SOX6: variants seen among roughly 807,000 people sequenced by gnomAD.
The protein encoded by SOX6 is SRY-box transcription factor 6.
Under a neutral mutation model 97.8 loss-of-function variants are expected in SOX6, and 11 were observed. The observed-to-expected ratio is 0.11, with a 90% CI of 0.07 to 0.19. SOX6 has a LOEUF of 0.19. SOX6 is among the 10% of genes least tolerant of loss of function. SOX6 has a pLI of 1.00. For synonymous variants in SOX6, 360 were observed against 371.4 expected (o/e 0.97, Z 0.35); for missense variants, 810 against 1,039.5 (o/e 0.78, Z 3.04).
intron 9 of SOX6, among the ~76,000 whole-genome samples, chr11:16,064,349 C>A (rs1848039056): frequency 6.6e-6 from 1 of 151,648 alleles, no homozygotes; most frequent in Admixed American, 6.6e-5. Context: ...ACACCAAATT[C>A]TTTTAGGAAT....
At chr11:15,999,087 T>C (rs1035241223) in intron 13 of SOX6, among the ~76,000 whole-genome samples, 1 of 151,982 alleles carries the variant, frequency 6.6e-6, no homozygotes, top group African/African-American at 2.4e-5. Flanking sequence ...AAATGGACAA[T>C]AGACTTAAAT....
chr11:16,417,992 G>A (rs768592386), intron 1 of SOX6, among the ~76,000 whole-genome samples: 8 of 152,138 alleles, frequency 5.3e-5, no homozygotes, highest in Non-Finnish European at 8.8e-5. Context: ...AAAATATGAT[G>A]AAATTATTTA....
At chr11:16,124,832 A>G (rs1590211431) in intron 6 of SOX6, among the ~76,000 whole-genome samples, 1 of 152,082 alleles carries the variant, frequency 6.6e-6, no homozygotes, top group African/African-American at 2.4e-5. Flanking sequence ...AGGAAAACTG[A>G]CTATAATAGG....
intron 4 of SOX6, among the ~76,000 whole-genome samples, chr11:16,497,829 A>G (rs1250455924): frequency 6.6e-6 from 1 of 152,244 alleles, no homozygotes; most frequent in African/African-American, 2.4e-5. Flanking sequence ...AAAAGACCAA[A>G]TCTACGTCTG....
intron 3 of SOX6, among the ~76,000 whole-genome samples, chr11:16,280,877 A>G (rs111309867): frequency 0.018 from 2,679 of 152,262 alleles, 32 homozygotes; most frequent in Non-Finnish European, 0.027. Context: ...ATTTCAATAA[A>G]TTCCTTTGCC....
intron 4 of SOX6, among the ~76,000 whole-genome samples, chr11:16,499,159 C>A (rs1425585650): frequency 6.6e-6 from 1 of 152,198 alleles, no homozygotes; most frequent in Non-Finnish European, 1.5e-5. Flanking sequence ...GAAACTCACT[C>A]AAAACCACTC....
intron 1 of SOX6, among the ~76,000 whole-genome samples, chr11:16,345,867 A>G (rs1276243172): frequency 6.6e-6 from 1 of 152,060 alleles, no homozygotes; most frequent in Non-Finnish European, 1.5e-5. Flanking sequence ...CTTGAAAAGT[A>G]TCCATCTTTC....
intron 4 of SOX6, among the ~76,000 whole-genome samples, chr11:16,494,032 G>T (rs1340918353): frequency 6.6e-6 from 1 of 152,150 alleles, no homozygotes; most frequent in Non-Finnish European, 1.5e-5. Context: ...ATGAAGACAG[G>T]TTAAATATGT....
chr11:16,242,665 T>C (rs1853229734), intron 3 of SOX6, among the ~76,000 whole-genome samples: 1 of 151,626 alleles, frequency 6.6e-6, no homozygotes. Flanking sequence ...ACCTTTCCTC[T>C]GAGATCAGCA....
intron 3 of SOX6, among the ~76,000 whole-genome samples, chr11:16,711,747 G>A (rs1276129976): frequency 6.6e-6 from 1 of 151,758 alleles, no homozygotes; most frequent in Admixed American, 6.6e-5. Flanking sequence ...AGTGATTGGG[G>A]TACAGGTGGT....
chr11:16,001,167 A>C (rs1039166274), intron 13 of SOX6, among the ~76,000 whole-genome samples: 14 of 152,084 alleles, frequency 9.2e-5, no homozygotes, highest in Admixed American at 8.5e-4. Flanking sequence ...TCTCGGCTGG[A>C]AACAAACATT....
upstream of SOX6, among the ~76,000 whole-genome samples, chr11:16,478,581 C>T (rs969990959): frequency 2.6e-5 from 4 of 152,134 alleles, no homozygotes; most frequent in Non-Finnish European, 5.9e-5. Context: ...TGGATTTGCA[C>T]TATTGGTGAA....
intron 4 of SOX6, among the ~76,000 whole-genome samples, chr11:16,518,906 C>T (rs1416704719): frequency 6.6e-6 from 1 of 152,120 alleles, no homozygotes; most frequent in Non-Finnish European, 1.5e-5. Flanking sequence ...ATTTCTCAAA[C>T]TCAATTCATG....
At chr11:16,255,338 C>T (rs949543513) in intron 3 of SOX6, among the ~76,000 whole-genome samples, 2 of 151,910 alleles carry the variant, frequency 1.3e-5, no homozygotes, top group Non-Finnish European at 2.9e-5. Context: ...GGAACAGTCA[C>T]CAAAACAGAC....
chr11:16,333,473 T>C (rs1015817840), intron 2 of SOX6, among the ~76,000 whole-genome samples: 4 of 152,090 alleles, frequency 2.6e-5, no homozygotes, highest in African/African-American at 9.7e-5. Flanking sequence ...CAAGAAAATA[T>C]ATATTAATCA....
chr11:16,604,257 C>T (rs2133979004), intron 4 of SOX6, among the ~76,000 whole-genome samples: 1 of 152,300 alleles, frequency 6.6e-6, no homozygotes, highest in South Asian at 2.1e-4. Flanking sequence ...GCCAGGTGTC[C>T]GTCCTGTCCC....
chr11:16,004,059 T>G (rs1338076645), intron 13 of SOX6, among the ~76,000 whole-genome samples: 1 of 151,754 alleles, frequency 6.6e-6, no homozygotes, highest in Non-Finnish European at 1.5e-5. Context: ...TGTATATATA[T>G]ACATATATAT....
At chr11:16,009,897 C>T (rs556714830) in intron 13 of SOX6, among the ~76,000 whole-genome samples, 40 of 151,872 alleles carry the variant, frequency 2.6e-4, no homozygotes, top group Non-Finnish European at 5.0e-4. Flanking sequence ...ATCTTTTCTA[C>T]CAGGAATAAG....
chr11:16,233,389 C>T (rs982270976), intron 4 of SOX6, among the ~76,000 whole-genome samples: 2 of 152,306 alleles, frequency 1.3e-5, no homozygotes, highest in East Asian at 1.9e-4. Context: ...GTATAACTCT[C>T]AACTGATAAG....
Sources: gnomAD v4.1 joint callset for allele counts (sites outside exome capture counted in the v4.1 genomes callset) on GRCh38, gnomAD v4.1.1 for gene constraint, MANE v1.5 for transcripts, NCBI Gene and HGNC (gene_info 2026-07-23, HGNC 2026-07-21) for gene names.